AP3B1: variants seen among roughly 807,000 people sequenced by gnomAD.
The protein encoded by AP3B1 is AP-3 complex subunit beta-1.
In AP3B1, 61 loss-of-function variants were observed where a neutral mutation model predicts 132.5. The observed-to-expected ratio is 0.46, with a 90% CI of 0.37 to 0.57. The LOEUF (loss-of-function observed/expected upper bound fraction) is 0.57. Among genes scored for constraint, AP3B1 ranks in the 20% least tolerant of loss-of-function variants. The probability of loss-of-function intolerance (pLI) is 0.00; values close to 1 mark genes in which losing one functional copy is unlikely to be tolerated. For missense variants in AP3B1, 1,120 were observed against 1,289.4 expected (o/e 0.87, Z 2.01); for synonymous variants, 388 against 438.3 (o/e 0.89, Z 1.43).
chr5:78,053,093 A>G (rs1331222153), intron 22 of AP3B1, among the ~76,000 whole-genome samples: 1 of 152,256 alleles, frequency 6.6e-6, no homozygotes, highest in African/African-American at 2.4e-5. Flanking sequence ...ACGTGATCTT[A>G]GCAGTTCTAC....
intron 17 of AP3B1, among the ~76,000 whole-genome samples, chr5:78,124,339 T>C (rs1254560926): frequency 6.6e-6 from 1 of 152,022 alleles, no homozygotes; most frequent in Admixed American, 6.6e-5. Context: ...CCTAAAAGTA[T>C]AATAATAAAA....
At chr5:78,122,976 A>ATGGCAC (rs1752290593) in intron 17 of AP3B1, among the ~76,000 whole-genome samples, 1 of 152,264 alleles carries the variant, frequency 6.6e-6, no homozygotes, top group Non-Finnish European at 1.5e-5. Context: ...CCAAAACAGC[A>ATGGCAC]TGGTACTGGT....
At chr5:78,193,770 A>ATATATATTTTTTTTTTTT in intron 7 of AP3B1, among the ~76,000 whole-genome samples, 53 of 67,022 alleles carry the variant, frequency 7.9e-4, no homozygotes, top group East Asian at 2.0e-3. Flanking sequence ...ATATATATAT[A>ATATATATTTTTTTTTTTT]TTTTTTTTTT....
rs183240587 is a variant in AP3B1 at position 78,011,288 on chromosome 5, T to G, written c.3131+4122A>C. On this transcript the variant is annotated intron_variant, in intron 26 of 26. Coordinates refer to ENST00000255194, the MANE Select transcript of AP3B1 (RefSeq NM_003664.5). ...CTTGAACTCCTGACCTCAAGTGATC[T>G]GCCTGCCTTGGCCTCCCAAAGTGCT... 1.2e-4 allele frequency among the ~76,000 whole-genome samples: 19 copies of G among 152,146 alleles called. No individual in the cohort carries two copies. The East Asian group carries it at 3.1e-3, about 25-fold the overall frequency.
chr5:78,168,881 A>T (rs1743778868), intron 11 of AP3B1, among the ~76,000 whole-genome samples: 4 of 151,952 alleles, frequency 2.6e-5, no homozygotes, highest in African/African-American at 9.7e-5. Flanking sequence ...CTTTTAACTT[A>T]TATGACCTTG....
At chr5:78,246,279 C>T (rs532583001) in intron 2 of AP3B1, among the ~76,000 whole-genome samples, 1 of 152,266 alleles carries the variant, frequency 6.6e-6, no homozygotes, top group Admixed American at 6.5e-5. Flanking sequence ...ATGGGTATAG[C>T]CTAACAGCAC....
In AP3B1 at chr5:78,165,484, A is replaced by C. The variant is rs544270903; in HGVS notation, c.1230+126T>G. Reference sequence around the variant, plus strand: ...ATTCTTGCAAATTTATGAATTTCTTAGTTGTCAGTCTTGTCCCAATCACTA... The same window carrying C: ...ATTCTTGCAAATTTATGAATTTCTTCGTTGTCAGTCTTGTCCCAATCACTA... On this transcript the variant is annotated intron_variant, in intron 12 of 26. Transcript: ENST00000255194. The C allele has an allele frequency of 1.6e-5, 11 of 677,694 alleles. No homozygotes were observed. The East Asian group carries it at 2.0e-4, about 12-fold the overall frequency. The allele number at this position is 677,694 out of a possible 1,614,324, so 42.0% of individuals were successfully genotyped here.
At chr5:78,203,470 T>G (rs1745380408) in intron 7 of AP3B1, among the ~76,000 whole-genome samples, 1 of 152,102 alleles carries the variant, frequency 6.6e-6, no homozygotes, top group Non-Finnish European at 1.5e-5. Context: ...TTCAATTATC[T>G]CCACCTGGTC....
At chr5:78,159,343 A>G (rs1358365447) in intron 13 of AP3B1, among the ~76,000 whole-genome samples, 1 of 152,214 alleles carries the variant, frequency 6.6e-6, no homozygotes, top group Admixed American at 6.5e-5. Context: ...TTGCTGTCAC[A>G]GATTACTAAA....
intron 2 of AP3B1, among the ~76,000 whole-genome samples, chr5:78,245,125 G>A (rs1201879339): frequency 6.6e-6 from 1 of 152,156 alleles, no homozygotes; most frequent in Non-Finnish European, 1.5e-5. Flanking sequence ...GAGCCAGGGG[G>A]CCAGTTGTAC....
intron 1 of AP3B1, among the ~76,000 whole-genome samples, chr5:78,282,355 A>G (rs1749094512): frequency 6.6e-6 from 1 of 151,748 alleles, no homozygotes; most frequent in Non-Finnish European, 1.5e-5. Context: ...AAGCCATAGG[A>G]TACAAAAGAA....
intron 7 of AP3B1, 147 bp downstream of exon 7, chr5:78,215,908 T>A (rs1280144603): frequency 1.4e-6 from 1 of 715,080 alleles, no homozygotes; most frequent in African/African-American, 1.8e-5. Context: ...ATTGGTTGCC[T>A]GCTTTAGTAA....
chr5:78,212,003 G>A (rs141150667), intron 7 of AP3B1, among the ~76,000 whole-genome samples: 1 of 152,322 alleles, frequency 6.6e-6, no homozygotes, highest in African/African-American at 2.4e-5. Flanking sequence ...GTACAGGCCA[G>A]GCATGGTGGC....
chr5:78,017,447 C>T (rs1412989578), intron 25 of AP3B1, among the ~76,000 whole-genome samples: 1 of 151,798 alleles, frequency 6.6e-6, no homozygotes, highest in Non-Finnish European at 1.5e-5. Flanking sequence ...TGTATTGTCT[C>T]GATTGCTGAG....
intron 14 of AP3B1, among the ~76,000 whole-genome samples, chr5:78,154,223 A>G (rs1743044791): frequency 6.6e-6 from 1 of 152,130 alleles, no homozygotes; most frequent in African/African-American, 2.4e-5. Context: ...TTTTCACTGG[A>G]TATACTATTC....
chr5:78,101,058 G>A (rs561198843), intron 20 of AP3B1, 33 bp from the exon 21 acceptor site: 75 of 1,318,890 alleles, frequency 5.7e-5, no homozygotes, highest in Admixed American at 5.4e-4. Context: ...TTTATCACAC[G>A]TTCTGTTTTA....
intron 22 of AP3B1, among the ~76,000 whole-genome samples, chr5:78,047,619 T>A (rs770783479): frequency 6.6e-6 from 1 of 152,208 alleles, no homozygotes; most frequent in Non-Finnish European, 1.5e-5. Context: ...GTCAGATGGA[T>A]TGATTGCAAA....
At chr5:78,196,897 G>A (rs1352033982) in intron 7 of AP3B1, among the ~76,000 whole-genome samples, 1 of 152,152 alleles carries the variant, frequency 6.6e-6, no homozygotes, top group East Asian at 1.9e-4. Context: ...AGAGCATAGA[G>A]AATTTTTAGG....
rs1007069538 is a variant in AP3B1 at position 78,071,325 on chromosome 5, G to A, written c.2577+18068C>T. Among the ~76,000 whole-genome samples the A allele has an allele frequency of 5.3e-5, 8 of 152,204 alleles. No individual in the cohort carries two copies. In the South Asian group the frequency reaches 6.2e-4, roughly 12 times the overall value. On this transcript the variant is annotated intron_variant, in intron 22 of 26. Coordinates refer to ENST00000255194, the MANE Select transcript of AP3B1 (RefSeq NM_003664.5). Reference sequence around the variant, plus strand: ...ACACAGGAACAGAAAACCAAACACCGCATGTTCTCACTTATAAGTGGGAGC... The same window carrying A: ...ACACAGGAACAGAAAACCAAACACCACATGTTCTCACTTATAAGTGGGAGC...
Sources: allele counts gnomAD v4.1 joint callset (sites outside exome capture counted in the v4.1 genomes callset), GRCh38; gene constraint gnomAD v4.1.1; transcripts MANE v1.5; gene names NCBI Gene and HGNC (gene_info 2026-07-23, HGNC 2026-07-21).